Variants in WDR49 observed in about 807,000 individuals in gnomAD.
WDR49 encodes WD repeat domain 49.
Under a neutral mutation model 119.5 loss-of-function variants are expected in WDR49, and 107 were observed. That is an observed-to-expected ratio of 0.90 (90% CI 0.77 to 1.05). WDR49 has a LOEUF of 1.05. Among genes scored for constraint, WDR49 ranks in the 50% least tolerant of loss-of-function variants. The pLI, the probability that WDR49 is intolerant of heterozygous loss-of-function variation, is 0.00. For synonymous variants in WDR49, 425 were observed against 418.8 expected (o/e 1.01, Z -0.18); for missense variants, 1,240 against 1,220.5 (o/e 1.02, Z -0.24).
intron 8 of WDR49, among the ~76,000 whole-genome samples, chr3:167,574,327 A>G (rs1241846245): frequency 2.0e-5 from 3 of 152,234 alleles, no homozygotes; most frequent in African/African-American, 7.2e-5. Context: ...ATGATAAGTT[A>G]TCACTGACTG....
At chr3:167,488,175 C>G (rs910397498) in intron 18 of WDR49, among the ~76,000 whole-genome samples, 244 of 151,302 alleles carry the variant, frequency 1.6e-3, no homozygotes, top group African/African-American at 5.8e-3. Context: ...CACACACACA[C>G]ACACACACAC....
chr3:167,518,499 T>G (rs146060357), intron 16 of WDR49, among the ~76,000 whole-genome samples: 37,493 of 151,872 alleles, frequency 0.25, 4,770 homozygotes, highest in South Asian at 0.3. Flanking sequence ...GATGAGCATT[T>G]TTTCATGTGT....
At chr3:167,483,839 C>A (rs1750818534) in intron 18 of WDR49, among the ~76,000 whole-genome samples, 1 of 152,042 alleles carries the variant, frequency 6.6e-6, no homozygotes, top group Non-Finnish European at 1.5e-5. Flanking sequence ...ATAGATGAGG[C>A]CCAGAAAACC....
At chr3:167,545,768 T>C (rs957403111) in intron 10 of WDR49, among the ~76,000 whole-genome samples, 1 of 150,424 alleles carries the variant, frequency 6.6e-6, no homozygotes, top group Non-Finnish European at 1.5e-5. Context: ...CAGTGAACAC[T>C]GCTTGTGTGA....
intron 18 of WDR49, among the ~76,000 whole-genome samples, chr3:167,493,331 ATAATATCCTTGGCAAGC>A (rs1751225390): frequency 6.6e-6 from 1 of 152,156 alleles, no homozygotes; most frequent in Non-Finnish European, 1.5e-5. Flanking sequence ...ACGGTTTTCC[ATAATATCCTTGGCAAGC>A]AAGAGGCCAA....
chr3:167,640,299 G>GACT, intron 2 of WDR49, among the ~76,000 whole-genome samples: 1 of 151,692 alleles, frequency 6.6e-6, no homozygotes, highest in Non-Finnish European at 1.5e-5. Context: ...GTTCTCTATT[G>GACT]ACTCCTTTTC....
At chr3:167,542,517 G>A (rs563620618) in intron 10 of WDR49, among the ~76,000 whole-genome samples, 3 of 152,108 alleles carry the variant, frequency 2.0e-5, no homozygotes, top group Non-Finnish European at 2.9e-5. Flanking sequence ...TGAAAATTAA[G>A]TAATCTGCTC....
chr3:167,548,391 A>C (rs551910324), intron 10 of WDR49, among the ~76,000 whole-genome samples: 11 of 152,106 alleles, frequency 7.2e-5, no homozygotes, highest in African/African-American at 2.6e-4. Flanking sequence ...CTCTGCCTAC[A>C]TTTATGGTTT....
At chr3:167,575,192 C>T (rs1714168506) in intron 8 of WDR49, 1 of 985,328 alleles carries the variant, frequency 1.0e-6, no homozygotes, top group Non-Finnish European at 1.2e-6. Context: ...AGCAGGCTAA[C>T]CTCTGATGTT....
At chr3:167,643,244 C>T (rs1717965093) in intron 2 of WDR49, among the ~76,000 whole-genome samples, 1 of 152,106 alleles carries the variant, frequency 6.6e-6, no homozygotes, top group South Asian at 2.1e-4. Flanking sequence ...TATAGCATCA[C>T]CAGTAATGGG....
chr3:167,606,418 C>A (rs1349637426), intron 5 of WDR49, among the ~76,000 whole-genome samples: 3 of 152,134 alleles, frequency 2.0e-5, no homozygotes, highest in Admixed American at 1.3e-4. Context: ...TTATTCTTCA[C>A]CTGCTTCCTC....
At chr3:167,618,846 C>G (rs1365055497) in intron 5 of WDR49, among the ~76,000 whole-genome samples, 3 of 152,088 alleles carry the variant, frequency 2.0e-5, no homozygotes, top group African/African-American at 7.2e-5. Flanking sequence ...CAACATTGAC[C>G]TAGAGAACAA....
intron 10 of WDR49, among the ~76,000 whole-genome samples, chr3:167,538,499 T>C (rs1349859346): frequency 6.6e-6 from 1 of 152,166 alleles, no homozygotes; most frequent in East Asian, 1.9e-4. Flanking sequence ...GGTTGACTTA[T>C]TGTAACAGCG....
intron 7 of WDR49, 122 bp from the exon 8 acceptor site, chr3:167,576,273 T>G (rs1024190992): frequency 5.3e-6 from 4 of 759,376 alleles, no homozygotes; most frequent in Admixed American, 2.7e-5. Flanking sequence ...AGTGCTATAA[T>G]TGGTTCTCAA....
rs151039060 is a variant in WDR49 at position 167,548,319 on chromosome 3, G to A, written c.1823+6331C>T. Among the ~76,000 whole-genome samples, 348 of 152,076 alleles carry A rather than the reference G, an allele frequency of 2.3e-3. 2 individuals are homozygous for A. The highest frequency in any genetic ancestry group is 8.1e-3 in the African/African-American group (337 of 41,504). Reference sequence around the variant, plus strand: ...AGATTCCTCGGCACTTGTACAGTTTGATTTCTGTGAGCAATTAGATAATGG... The same window carrying A: ...AGATTCCTCGGCACTTGTACAGTTTAATTTCTGTGAGCAATTAGATAATGG... On this transcript the variant is annotated intron_variant, in intron 10 of 18. Coordinates refer to ENST00000682715, the MANE Select transcript of WDR49 (RefSeq NM_001366157.1).
At chr3:167,544,840 G>A (rs1456446815) in intron 10 of WDR49, among the ~76,000 whole-genome samples, 1 of 151,638 alleles carries the variant, frequency 6.6e-6, no homozygotes, top group Non-Finnish European at 1.5e-5. Context: ...TAAATAAATA[G>A]ATGGGACCTA....
intron 7 of WDR49, among the ~76,000 whole-genome samples, chr3:167,583,158 C>T (rs945002670): frequency 2.6e-5 from 4 of 152,014 alleles, no homozygotes. Context: ...AACATTAAAA[C>T]CTTAACAGAA....
At chr3:167,609,627 G>A (rs999674158) in intron 5 of WDR49, among the ~76,000 whole-genome samples, 1 of 152,158 alleles carries the variant, frequency 6.6e-6, no homozygotes, top group African/African-American at 2.4e-5. Context: ...CATAAAGACT[G>A]CAACTCATAG....
chr3:167,517,436 A>G (rs1234376545), intron 16 of WDR49, among the ~76,000 whole-genome samples: 1 of 152,186 alleles, frequency 6.6e-6, no homozygotes, highest in African/African-American at 2.4e-5. Context: ...TTCCCTATTT[A>G]ATAAATGGTG....
Sources: allele counts gnomAD v4.1 joint callset (sites outside exome capture counted in the v4.1 genomes callset), GRCh38; gene constraint gnomAD v4.1.1; transcripts MANE v1.5; gene names NCBI Gene and HGNC (gene_info 2026-07-23, HGNC 2026-07-21).